Variants in FAM110B observed in about 807,000 individuals in gnomAD.
The protein encoded by FAM110B is family with sequence similarity 110 member B.
In FAM110B, 6 loss-of-function variants were observed where a neutral mutation model predicts 20.4. That is an observed-to-expected ratio of 0.29 (90% CI 0.16 to 0.58). The LOEUF (loss-of-function observed/expected upper bound fraction) is 0.58. Among genes scored for constraint, FAM110B ranks in the 20% least tolerant of loss-of-function variants. The pLI is 0.90. For synonymous variants in FAM110B, 226 were observed against 214.1 expected, an observed-to-expected ratio of 1.06 and a Z score of -0.49; for missense variants, 434 against 498.2, an observed-to-expected ratio of 0.87 and a Z score of 1.23.
chr8:58,056,892 T>C (rs1474825271), intron 2 of FAM110B, among the ~76,000 whole-genome samples: 1 of 152,198 alleles, frequency 6.6e-6, no homozygotes, highest in African/African-American at 2.4e-5. Context: ...GTGCATGTTC[T>C]CTCTGTCACT....
At chr8:58,009,120 T>A (rs140107701) in intron 1 of FAM110B, among the ~76,000 whole-genome samples, 10 of 152,378 alleles carry the variant, frequency 6.6e-5, no homozygotes, top group African/African-American at 2.2e-4. Flanking sequence ...GACAGGGGAC[T>A]TGATAGGGGG....
chr8:58,108,624 A>G lies in FAM110B; in HGVS notation c.-325+33001A>G, dbSNP rs377356998. On this transcript the variant is annotated intron_variant, in intron 3 of 3. Transcript: ENST00000519262. ...CTGGAGGCTGGCCTGGAAGCTCCAG[A>G]TGATTCCAGGAGCACAGCCTGCTCC... 1.4e-4 allele frequency among the ~76,000 whole-genome samples: 22 copies of G among 152,316 alleles called. No individual in the cohort carries two copies. The East Asian group carries it at 2.5e-3, about 17-fold the overall frequency.
rs1021833765 is a variant in FAM110B at position 58,146,115 on chromosome 8, C to G, written c.-116C>G. The G allele has an allele frequency of 8.0e-7, 1 of 1,255,184 alleles. No homozygotes were observed. The highest frequency in any genetic ancestry group is 1.5e-5 in the African/African-American group (1 of 66,332). 77.8% of individuals were successfully genotyped at this position (1,255,184 alleles called of 1,614,324 possible). The stretch of plus-strand genomic sequence containing the variant: ...GCTGCTGCGGCCGCTGCTGCTGACA[C>G]TCGCTCCCAGGCTGCACCCGCCGCC... On this transcript the variant is annotated 5_prime_UTR_variant, in exon 4 of 4. Coordinates refer to ENST00000519262, the MANE Select transcript of FAM110B (RefSeq NM_001377989.1).
chr8:58,045,509 T>C (rs940167558), intron 2 of FAM110B, among the ~76,000 whole-genome samples: 23 of 152,196 alleles, frequency 1.5e-4, no homozygotes, highest in Admixed American at 1.2e-3. Flanking sequence ...TTACTATATG[T>C]GATGTCTTCT....
chr8:58,016,564 G>C (rs998132732), intron 1 of FAM110B, among the ~76,000 whole-genome samples: 4 of 152,196 alleles, frequency 2.6e-5, no homozygotes, highest in African/African-American at 9.7e-5. Context: ...CTTGGTTGCA[G>C]GTCAAATTTT....
intron 3 of FAM110B, among the ~76,000 whole-genome samples, chr8:58,115,311 C>T (rs1009860245): frequency 4.6e-5 from 7 of 152,316 alleles, no homozygotes; most frequent in African/African-American, 7.2e-5. Flanking sequence ...CACAGGTGGA[C>T]GTGAGCACAC....
At chr8:57,997,550 A>T in intron 1 of FAM110B, among the ~76,000 whole-genome samples, 1 of 152,204 alleles carries the variant, frequency 6.6e-6, no homozygotes, top group Non-Finnish European at 1.5e-5. Context: ...ATGATCAGAA[A>T]CCTACTTGCA....
At chr8:58,024,055 C>T (rs1180611199) in intron 1 of FAM110B, among the ~76,000 whole-genome samples, 1 of 151,996 alleles carries the variant, frequency 6.6e-6, no homozygotes, top group Non-Finnish European at 1.5e-5. Flanking sequence ...GAATTTCTAT[C>T]TTGGCTTAAC....
chr8:58,068,950 A>G (rs1344461218), intron 2 of FAM110B, among the ~76,000 whole-genome samples: 2 of 152,218 alleles, frequency 1.3e-5, no homozygotes, highest in African/African-American at 4.8e-5. Flanking sequence ...AATTTATATC[A>G]TTAATAAAAA....
At chr8:58,063,159 A>G (rs1339733647) in intron 2 of FAM110B, among the ~76,000 whole-genome samples, 2 of 152,240 alleles carry the variant, frequency 1.3e-5, no homozygotes, top group Admixed American at 6.5e-5. Flanking sequence ...AGCACGGGGC[A>G]TAAGAATCTC....
chr8:58,079,183 C>T (rs1334104691), intron 3 of FAM110B, among the ~76,000 whole-genome samples: 1 of 152,160 alleles, frequency 6.6e-6, no homozygotes, highest in African/African-American at 2.4e-5. Context: ...TCTCAGCTGA[C>T]CTTGAGCAAG....
intron 1 of FAM110B, among the ~76,000 whole-genome samples, chr8:58,018,684 T>A (rs1387977151): frequency 6.6e-6 from 1 of 152,186 alleles, no homozygotes; most frequent in Non-Finnish European, 1.5e-5. Context: ...ATTTGTTTGA[T>A]CTGTTTGTTC....
intron 1 of FAM110B, among the ~76,000 whole-genome samples, chr8:58,016,706 A>G (rs1333074758): frequency 6.6e-6 from 1 of 152,144 alleles, no homozygotes; most frequent in Admixed American, 6.5e-5. Context: ...TGTGTTTGTC[A>G]TGTTCTGTGC....
Position 58,059,405 on chromosome 8 carries a change from C to T in FAM110B, c.-413-16130C>T, listed in dbSNP as rs1395021560. Among the ~76,000 whole-genome samples, 3 of 152,172 alleles carry T rather than the reference C, an allele frequency of 2.0e-5. No homozygotes were observed. The East Asian group carries it at 5.8e-4, about 29-fold the overall frequency. ...GTGTGTGGGAGTTCCAGTTGTTTCA[C>T]ATCATTGCCAACATTTAGTATTGTC... On this transcript the variant is annotated intron_variant, in intron 2 of 3. Coordinates refer to ENST00000519262, the MANE Select transcript of FAM110B (RefSeq NM_001377989.1).
chr8:58,008,202 G>A (rs1247207613), intron 1 of FAM110B, among the ~76,000 whole-genome samples: 12 of 147,732 alleles, frequency 8.1e-5, no homozygotes, highest in East Asian at 2.0e-4. Flanking sequence ...ATCTCAGCTC[G>A]GCTTACTGCA....
intron 3 of FAM110B, among the ~76,000 whole-genome samples, chr8:58,076,460 C>T (rs911089868): frequency 1.4e-4 from 22 of 152,166 alleles, no homozygotes; most frequent in African/African-American, 4.1e-4. Context: ...ACCAGCAGGC[C>T]TGGGAATGGC....
At chr8:58,058,689 T>G (rs999104120) in intron 2 of FAM110B, among the ~76,000 whole-genome samples, 1 of 152,164 alleles carries the variant, frequency 6.6e-6, no homozygotes, top group Non-Finnish European at 1.5e-5. Context: ...TATGCTACAT[T>G]TAAATAAGAC....
chr8:58,113,814 T>A lies in FAM110B; in HGVS notation c.-324-32093T>A, dbSNP rs2939972. On this transcript the variant is annotated intron_variant, in intron 3 of 3. Coordinates refer to ENST00000519262, the MANE Select transcript of FAM110B (RefSeq NM_001377989.1). ...GTTTGCTGGGCACAGATTTTTAATG[T>A]CACTTCATAGGTTTTCATTTCTGTA... 3.3e-5 allele frequency among the ~76,000 whole-genome samples: 5 copies of A among 152,362 alleles called. No homozygotes were observed. In the South Asian group the frequency reaches 1.0e-3, roughly 32 times the overall value.
At chr8:58,105,591 C>T (rs1337056299) in intron 3 of FAM110B, among the ~76,000 whole-genome samples, 1 of 91,958 alleles carries the variant, frequency 1.1e-5, no homozygotes, top group South Asian at 4.3e-4. Context: ...TTTTTTGTGA[C>T]AGAGTCTGGC....
Sources: allele counts gnomAD v4.1 joint callset (sites outside exome capture counted in the v4.1 genomes callset), GRCh38; gene constraint gnomAD v4.1.1; transcripts MANE v1.5; gene names NCBI Gene and HGNC (gene_info 2026-07-23, HGNC 2026-07-21).